The following TUSC3 variants were observed in gnomAD, a reference collection of about 807,000 sequenced individuals.
TUSC3 encodes the protein tumor suppressor candidate 3, also known as dolichyl-diphosphooligosaccharide--protein glycosyltransferase subunit TUSC3.
A neutral mutation model predicts 44.8 loss-of-function variants in TUSC3; 45 were observed. The observed-to-expected ratio is 1.00, with a 90% CI of 0.79 to 1.29. The LOEUF (loss-of-function observed/expected upper bound fraction) is 1.29. TUSC3 is among the 50% of genes most tolerant of loss of function. The probability of loss-of-function intolerance (pLI) is 0.00; values close to 1 mark genes in which losing one functional copy is unlikely to be tolerated. For synonymous variants in TUSC3, 212 were observed against 152.9 expected, an observed-to-expected ratio of 1.39 and a Z score of -2.85; for missense variants, 519 against 437.9, an observed-to-expected ratio of 1.19 and a Z score of -1.65.
At chr8:15,438,946 A>G (rs1183097761) in intron 1 of TUSC3, among the ~76,000 whole-genome samples, 1 of 152,180 alleles carries the variant, frequency 6.6e-6, no homozygotes, top group East Asian at 1.9e-4. Context: ...AAGGAGAGGA[A>G]TCTACAAAAC....
the TUSC3 span, among the ~76,000 whole-genome samples, chr8:15,797,693 T>G: frequency 6.6e-6 from 1 of 152,192 alleles, no homozygotes; most frequent in Non-Finnish European, 1.5e-5. Context: ...CAACCATACA[T>G]TGGAGACCTT....
chr8:15,431,212 T>C (rs2129116845), intron 1 of TUSC3, among the ~76,000 whole-genome samples: 1 of 151,818 alleles, frequency 6.6e-6, no homozygotes, highest in African/African-American at 2.4e-5. Flanking sequence ...TTTCTATTTC[T>C]TTTTTTAATC....
chr8:15,604,995 G>T (rs1378216052), intron 1 of TUSC3, among the ~76,000 whole-genome samples: 2 of 151,818 alleles, frequency 1.3e-5, no homozygotes, highest in Non-Finnish European at 2.9e-5. Context: ...TAAAACTCTG[G>T]TTATTGTAGA....
At chr8:15,550,158 CGT>C (rs1802011852) in intron 1 of TUSC3, among the ~76,000 whole-genome samples, 1 of 151,680 alleles carries the variant, frequency 6.6e-6, no homozygotes, top group South Asian at 2.1e-4. Flanking sequence ...GGTCAGGGGT[CGT>C]TCTTTAACTA....
the TUSC3 span, among the ~76,000 whole-genome samples, chr8:15,840,862 A>G: frequency 6.6e-6 from 1 of 152,232 alleles, no homozygotes; most frequent in Non-Finnish European, 1.5e-5. Context: ...AGTTAATGAC[A>G]TAAACAAGAA....
At chr8:15,473,967 A>T (rs1173139624) in intron 1 of TUSC3, among the ~76,000 whole-genome samples, 1 of 152,152 alleles carries the variant, frequency 6.6e-6, no homozygotes, top group Non-Finnish European at 1.5e-5. Flanking sequence ...GCAGGAGACC[A>T]GGGCGTATTT....
chr8:15,785,604 G>A, the TUSC3 span, among the ~76,000 whole-genome samples: 9 of 152,084 alleles, frequency 5.9e-5, no homozygotes, highest in South Asian at 2.1e-4. Context: ...TGAAAACTGC[G>A]CAATCTGAGC....
At chr8:15,664,854 T>C (rs1375914334) in intron 5 of TUSC3, among the ~76,000 whole-genome samples, 1 of 150,642 alleles carries the variant, frequency 6.6e-6, no homozygotes, top group East Asian at 1.9e-4. Flanking sequence ...ATGTTACACA[T>C]ATGTATATAT....
the TUSC3 span, among the ~76,000 whole-genome samples, chr8:15,810,230 G>A: frequency 3.1e-3 from 474 of 152,228 alleles, 4 homozygotes; most frequent in African/African-American, 0.011. Flanking sequence ...TTAATAGGTC[G>A]TTCAGGTGAT....
At chr8:15,634,126 A>G (rs1805954932) in intron 2 of TUSC3, among the ~76,000 whole-genome samples, 1 of 152,332 alleles carries the variant, frequency 6.6e-6, no homozygotes, top group South Asian at 2.1e-4. Context: ...TGGAGCAAAG[A>G]CAAGATGGTA....
chr8:15,585,789 G>A (rs1313359947), intron 1 of TUSC3, among the ~76,000 whole-genome samples: 1 of 152,176 alleles, frequency 6.6e-6, no homozygotes, highest in Non-Finnish European at 1.5e-5. Context: ...TGTGCCTGCA[G>A]ACTGTTCTTT....
intron 1 of TUSC3, among the ~76,000 whole-genome samples, chr8:15,593,705 C>T (rs975316650): frequency 6.6e-6 from 1 of 152,082 alleles, no homozygotes; most frequent in South Asian, 2.1e-4. Context: ...CTCATTTCTA[C>T]CATTATATTG....
At chr8:15,491,697 C>G (rs1003802684) in intron 2 of TUSC3, among the ~76,000 whole-genome samples, 3 of 152,146 alleles carry the variant, frequency 2.0e-5, no homozygotes, top group Non-Finnish European at 4.4e-5. Context: ...GAAACTAAGG[C>G]TAAGCACCAT....
chr8:15,613,188 G>C (rs1048761950), intron 1 of TUSC3, among the ~76,000 whole-genome samples: 1 of 150,556 alleles, frequency 6.6e-6, no homozygotes, highest in Non-Finnish European at 1.5e-5. Context: ...TCTTATTTGT[G>C]CCAAATTTGG....
the TUSC3 span, among the ~76,000 whole-genome samples, chr8:15,797,969 T>A: frequency 6.6e-6 from 1 of 152,188 alleles, no homozygotes; most frequent in Non-Finnish European, 1.5e-5. Flanking sequence ...TTACTATTCT[T>A]TCTACCTTTA....
intron 2 of TUSC3, among the ~76,000 whole-genome samples, chr8:15,504,605 ATATATATATATATATATTTTTTTT>A (rs1200696936): frequency 1.9e-4 from 6 of 31,164 alleles, no homozygotes; most frequent in African/African-American, 9.6e-4. Flanking sequence ...ATATATATAT[ATATATATATATATATATTTTTTTT>A]TTTTTTTTTT....
chr8:15,424,878 C>CAA (rs67073442), intron 1 of TUSC3, among the ~76,000 whole-genome samples: 45 of 135,274 alleles, frequency 3.3e-4, no homozygotes, highest in African/African-American at 1.2e-3. Context: ...GACTCTGTCT[C>CAA]AAAAAAAAAA....
chr8:15,502,419 T>C (rs1222395294), intron 2 of TUSC3, among the ~76,000 whole-genome samples: 1 of 152,260 alleles, frequency 6.6e-6, no homozygotes, highest in Non-Finnish European at 1.5e-5. Context: ...CAGGACTAGA[T>C]TGACACTTCT....
chr8:15,542,103 A>G (rs1005430520), intron 1 of TUSC3, among the ~76,000 whole-genome samples: 5 of 151,664 alleles, frequency 3.3e-5, no homozygotes, highest in Non-Finnish European at 7.4e-5. Flanking sequence ...GCTTTTATAC[A>G]TTTTAGAGAG....
Sources: gnomAD v4.1 joint callset for allele counts (sites outside exome capture counted in the v4.1 genomes callset) on GRCh38, gnomAD v4.1.1 for gene constraint, MANE v1.5 for transcripts, NCBI Gene and HGNC (gene_info 2026-07-23, HGNC 2026-07-21) for gene names.